The following TENM4 variants were observed in gnomAD, a reference collection of about 807,000 sequenced individuals.
The protein encoded by TENM4 is teneurin-4.
Under a neutral mutation model 243.3 loss-of-function variants are expected in TENM4, and 82 were observed. The observed-to-expected ratio is 0.34, with a 90% confidence interval of 0.28 to 0.40. The LOEUF is 0.40. Ranked by LOEUF, TENM4 falls within the 10% of genes least tolerant of loss-of-function variation. The pLI is 1.00. For synonymous variants in TENM4, 1,412 were observed against 1,456.3 expected (o/e 0.97, Z 0.69); for missense variants, 3,138 against 3,673.3 (o/e 0.85, Z 3.77).
chr11:79,193,428 T>C (rs988742068), intron 3 of TENM4, among the ~76,000 whole-genome samples: 2 of 152,214 alleles, frequency 1.3e-5, no homozygotes, highest in Non-Finnish European at 2.9e-5. Context: ...TCTCTTGTAT[T>C]CCGCTTTTCC....
intron 3 of TENM4, among the ~76,000 whole-genome samples, chr11:79,174,974 A>T (rs983525644): frequency 9.2e-5 from 14 of 152,144 alleles, no homozygotes; most frequent in African/African-American, 3.4e-4. Flanking sequence ...TCTTGCCAGG[A>T]TCCTAAGTAA....
intron 2 of TENM4, among the ~76,000 whole-genome samples, chr11:79,216,409 C>G (rs1864051935): frequency 6.6e-6 from 1 of 152,214 alleles, no homozygotes; most frequent in South Asian, 2.1e-4. Flanking sequence ...CCCCCGTTAA[C>G]AGTTCTGTCA....
intron 19 of TENM4, among the ~76,000 whole-genome samples, chr11:78,750,867 G>T (rs917042777): frequency 6.6e-6 from 1 of 151,772 alleles, no homozygotes; most frequent in Non-Finnish European, 1.5e-5. Context: ...GTGTGTGTGT[G>T]TGTGTGTGTG....
At chr11:78,899,178 T>C (rs1855869156) in intron 7 of TENM4, among the ~76,000 whole-genome samples, 1 of 152,130 alleles carries the variant, frequency 6.6e-6, no homozygotes, top group African/African-American at 2.4e-5. Flanking sequence ...TCTCAGTGCC[T>C]TGGAGCCGCA....
chr11:79,399,506 G>C (rs187945621), intron 1 of TENM4, among the ~76,000 whole-genome samples: 1 of 152,270 alleles, frequency 6.6e-6, no homozygotes, highest in East Asian at 1.9e-4. Flanking sequence ...TTTGAGAGGA[G>C]ACCCTAAAAT....
At chr11:78,822,196 C>T (rs1390148073) in intron 12 of TENM4, among the ~76,000 whole-genome samples, 2 of 152,208 alleles carry the variant, frequency 1.3e-5, no homozygotes, top group Non-Finnish European at 2.9e-5. Context: ...TCTTATGACT[C>T]TGTGAGTCAT....
chr11:79,225,874 T>A (rs1864253728), intron 2 of TENM4, among the ~76,000 whole-genome samples: 1 of 152,180 alleles, frequency 6.6e-6, no homozygotes, highest in African/African-American at 2.4e-5. Context: ...TATTTAATAA[T>A]GATCACGATC....
chr11:79,129,915 G>T lies in TENM4; in HGVS notation c.-66+18795C>A, dbSNP rs377717196. On this transcript the variant is annotated intron_variant, in intron 4 of 33. Coordinates refer to ENST00000278550, the MANE Select transcript of TENM4 (RefSeq NM_001098816.3). ...GCTCTCTGGAAAGTGTCACCTCCTGGCAGGAGGCCAAAAACCACCAAAATA... is the reference window on the plus strand; with the variant it reads ...GCTCTCTGGAAAGTGTCACCTCCTGTCAGGAGGCCAAAAACCACCAAAATA... 1.7e-4 allele frequency among the ~76,000 whole-genome samples: 26 copies of T among 152,210 alleles called. 1 individual carries two copies. In the South Asian group the frequency reaches 5.4e-3, roughly 32 times the overall value.
At chr11:79,172,176 A>T (rs180837560) in intron 3 of TENM4, among the ~76,000 whole-genome samples, 2 of 151,816 alleles carry the variant, frequency 1.3e-5, no homozygotes, top group African/African-American at 2.4e-5. Flanking sequence ...CTGGTCTGAA[A>T]CCCCTGGCTC....
At chr11:78,664,837 A>G (rs1217023242) in intron 32 of TENM4, among the ~76,000 whole-genome samples, 1 of 152,240 alleles carries the variant, frequency 6.6e-6, no homozygotes, top group Non-Finnish European at 1.5e-5. Flanking sequence ...ATGCTTCTAT[A>G]AGGAATACTG....
chr11:79,209,810 G>C (rs1207067104), intron 3 of TENM4, among the ~76,000 whole-genome samples: 1 of 152,202 alleles, frequency 6.6e-6, no homozygotes, highest in Non-Finnish European at 1.5e-5. Context: ...GGAAAGTATG[G>C]TATTTCCAAA....
chr11:79,223,189 C>T (rs190989679), intron 2 of TENM4, among the ~76,000 whole-genome samples: 5 of 152,022 alleles, frequency 3.3e-5, no homozygotes, highest in East Asian at 1.9e-4. Context: ...TGAGAAAGAT[C>T]GTGTGTTTAG....
At chr11:78,923,691 G>A (rs1161918966) in intron 6 of TENM4, among the ~76,000 whole-genome samples, 1 of 30,340 alleles carries the variant, frequency 3.3e-5, no homozygotes, top group Non-Finnish European at 1.1e-4. Flanking sequence ...GCATGCACCT[G>A]GCTTTTTTTT....
chr11:78,941,545 C>A (rs1267219223), intron 6 of TENM4, among the ~76,000 whole-genome samples: 1 of 152,054 alleles, frequency 6.6e-6, no homozygotes, highest in East Asian at 1.9e-4. Flanking sequence ...TGGAAGCAGC[C>A]TGACCTCTAG....
In TENM4 at chr11:79,049,865, C is replaced by A. The variant is rs572693419; in HGVS notation, c.493+14873G>T. ...GGAACAGAGCACTTCCCGCATGACT[C>A]TGCTGAGAGAAAAACTCTTGGAAGC... On this transcript the variant is annotated intron_variant, in intron 6 of 33. Transcript: ENST00000278550. Among the ~76,000 whole-genome samples, 26 of 152,344 alleles carry A rather than the reference C, an allele frequency of 1.7e-4. No individual in the cohort carries two copies. The Middle Eastern group carries it at 0.01, about 60-fold the overall frequency.
chr11:79,377,400 T>C (rs1379751069), intron 1 of TENM4, among the ~76,000 whole-genome samples: 1 of 152,196 alleles, frequency 6.6e-6, no homozygotes, highest in Non-Finnish European at 1.5e-5. Context: ...ATCCCAGCTC[T>C]GAAACTCTCT....
At chr11:78,671,593 G>C (rs191150817) in intron 31 of TENM4, among the ~76,000 whole-genome samples, 1 of 152,208 alleles carries the variant, frequency 6.6e-6, no homozygotes, top group Non-Finnish European at 1.5e-5. Context: ...TCTGATGCTA[G>C]AGCAGAATAG....
chr11:78,891,072 G>A (rs1433688228), intron 8 of TENM4, among the ~76,000 whole-genome samples, 166 bp downstream of exon 8: 1 of 152,214 alleles, frequency 6.6e-6, no homozygotes, highest in East Asian at 1.9e-4. Context: ...GGGGGATAGG[G>A]TATTTAAAGG....
rs912354977 is a variant in TENM4, at chr11:78,676,390, G to A, written c.5261-3C>T. The A allele has an allele frequency of 2.5e-6, 4 of 1,590,384 alleles. No individual in the cohort carries two copies. The Middle Eastern group carries it at 5.0e-4, about 199-fold the overall frequency. On this transcript the variant is annotated splice_region_variant and splice_polypyrimidine_tract_variant and intron_variant, in intron 29 of 33. Transcript: ENST00000278550. ...GTAGTAGCTGTTCCGGACTTGGTCT[G>A]CAGGAGAGGACAAGCACAGACTGCT...
Sources: allele counts gnomAD v4.1 joint callset (sites outside exome capture counted in the v4.1 genomes callset), GRCh38; gene constraint gnomAD v4.1.1; transcripts MANE v1.5; gene names NCBI Gene and HGNC (gene_info 2026-07-23, HGNC 2026-07-21).